Variants in URB2 observed in about 807,000 individuals in gnomAD.
URB2 encodes unhealthy ribosome biogenesis protein 2 homolog.
URB2 carries 86 observed loss-of-function variants against 120.9 expected under a neutral mutation model. The observed-to-expected ratio is 0.71, with a 90% CI of 0.60 to 0.85. URB2 has a LOEUF of 0.85. Among genes scored for constraint, URB2 ranks in the 40% least tolerant of loss-of-function variants. The probability of loss-of-function intolerance (pLI) is 0.00; values close to 1 mark genes in which losing one functional copy is unlikely to be tolerated. For synonymous variants in URB2, 755 were observed against 758.4 expected (o/e 1.00, Z 0.07); for missense variants, 1,765 against 1,836.5 (o/e 0.96, Z 0.71).
chr1:229,637,560 A>C lies in URB2; in HGVS notation c.2947A>C (p.Ser983Arg). 1.2e-6 allele frequency: 2 copies of C among 1,614,246 alleles called. No homozygotes were observed. Among genetic ancestry groups the C allele is most frequent in the South Asian group, 2.2e-5 (2 of 91,076 alleles). Reference protein sequence around the residue: ...VVLTSLFRASSRFLIEMDDPA... With the variant: ...VVLTSLFRASRRFLIEMDDPA... The stretch of plus-strand genomic sequence containing the variant: ...ACTGACCTCATTGTTCAGAGCTAGT[A>C]GTAGGTTCCTTATTGAGATGGATGA... The change falls in exon 4 of 10, where the codon AGT becomes CGT. Residue 983 changes from serine (S) to arginine (R), a missense_variant. Ser to Arg is a moderately radical substitution (Grantham distance 110). Transcript: ENST00000258243.
At chr1:229,650,878 G>C (rs1666251850) in intron 7 of URB2, 1 of 158,410 alleles carries the variant, frequency 6.3e-6, no homozygotes, top group African/African-American at 2.4e-5. Flanking sequence ...AATTAGTACT[G>C]TTCCTATTAT....
intron 2 of URB2, among the ~76,000 whole-genome samples, chr1:229,630,664 G>T (rs1665634608): frequency 6.6e-6 from 1 of 152,110 alleles, no homozygotes; most frequent in Non-Finnish European, 1.5e-5. Context: ...TTTGAAGCCA[G>T]GCATTGACTT....
Position 229,626,277 on chromosome 1 carries a change from AGCCGCCGCCGCT to A in URB2, c.-85_-74del, listed in dbSNP as rs1665468406. 6.6e-6 allele frequency: 1 copy of A among 152,486 alleles called. No homozygotes were observed. Among genetic ancestry groups the A allele is most frequent in the Non-Finnish European group, 1.5e-5 (1 of 68,702 alleles). 9.4% of individuals were successfully genotyped at this position (152,486 alleles called of 1,614,324 possible). A position where few individuals can be genotyped will look rare whatever the true frequency, so the allele number is the denominator to read the frequency against. On this transcript the variant is annotated 5_prime_UTR_variant, in exon 1 of 10. Coordinates refer to ENST00000258243, the MANE Select transcript of URB2 (RefSeq NM_014777.4). ...GCGGCCTCCGCCGCACCGGGACAGCAGCCGCCGCCGCTGCCGCCGTCCTCCCCTGTCTACCCG... is the reference window on the plus strand; with the variant it reads ...GCGGCCTCCGCCGCACCGGGACAGCAGCCGCCGTCCTCCCCTGTCTACCCG...
Position 229,647,592 on chromosome 1 carries a change from T to C in URB2, c.3989T>C (p.Leu1330Pro), listed in dbSNP as rs748090515. Residue 1330 changes from leucine to proline, a missense_variant, in exon 7 of 10, where the codon CTG (leucine) becomes CCG (proline). Physicochemically the swap from Leu to Pro is moderately conservative, Grantham distance 98. Transcript: ENST00000258243. ...GTCTTAGATGTCCTGGCTGCACTGC[T>C]GCGGCAGGGGGAGGAGGCCATCGGC... Reference protein sequence around the residue: ...GPVLDVLAALLRQGEEAIGNP... With the variant: ...GPVLDVLAALPRQGEEAIGNP... The C allele has an allele frequency of 3.7e-6, 6 of 1,614,240 alleles. No homozygotes were observed. In the Admixed American group the frequency reaches 8.3e-5, roughly 22 times the overall value.
chr1:229,647,452 T>G (rs1666171118), intron 6 of URB2, 58 bp from the exon 7 acceptor site: 1 of 1,574,140 alleles, frequency 6.4e-7, no homozygotes, highest in Non-Finnish European at 8.7e-7. Context: ...CTGCAGTGTT[T>G]GTGTTATTTC....
chr1:229,650,022 A>C (rs781594099), intron 7 of URB2, among the ~76,000 whole-genome samples: 44 of 152,332 alleles, frequency 2.9e-4, no homozygotes, highest in Non-Finnish European at 3.8e-4. Flanking sequence ...TGCAAAAACG[A>C]CTTCTTTCTG....
At position 229,634,955 on chromosome 1, in the gene URB2, A is replaced by T; in HGVS notation, c.342A>T (p.Gly114=). Reference sequence around the variant, plus strand: ...GAGTAGCTGAGTTCTCTCTTTCGGGATCCCAAAGAAACATCTGTGCTGTCC... The same window carrying T: ...GAGTAGCTGAGTTCTCTCTTTCGGGTTCCCAAAGAAACATCTGTGCTGTCC... ...NERVAEFSLS[G]SQRNICAVLR... The change falls in exon 4 of 10, where the codon GGA becomes GGT. Residue 114 remains glycine, a synonymous_variant. Transcript: ENST00000258243. The T allele has an allele frequency of 2.6e-6, 4 of 1,546,254 alleles. No individual in the cohort carries two copies. Among genetic ancestry groups the T allele is most frequent in the Non-Finnish European group, 2.6e-6 (3 of 1,146,604 alleles).
chr1:229,653,529 T>C (rs1037394374), intron 8 of URB2, among the ~76,000 whole-genome samples: 14 of 152,200 alleles, frequency 9.2e-5, no homozygotes, highest in African/African-American at 3.4e-4. Flanking sequence ...TTTATAAAAA[T>C]GTGCCTACCA....
At position 229,637,077 on chromosome 1, in the gene URB2, A is replaced by G. The variant is rs776893100; in HGVS notation, c.2464A>G (p.Ile822Val). ...GTGCGTAACCACAAGTTGCTCCAGC[A>G]TTCTGTGTTCTGGTGCCCAGCGTGA... The part of the protein sequence containing the change: ...LTCVTTSCSS[I>V]LCSGAQRDSG... The change falls in exon 4 of 10, where the codon ATT becomes GTT. Residue 822 changes from isoleucine to valine, a missense_variant. Coordinates refer to ENST00000258243, the MANE Select transcript of URB2 (RefSeq NM_014777.4). 6.2e-7 allele frequency: 1 copy of G among 1,613,980 alleles called. No individual in the cohort carries two copies. Among genetic ancestry groups the G allele is most frequent in the Admixed American group, 1.7e-5 (1 of 60,006 alleles).
chr1:229,657,240 C>A (rs965253407), intron 9 of URB2, among the ~76,000 whole-genome samples: 1 of 152,158 alleles, frequency 6.6e-6, no homozygotes, highest in East Asian at 1.9e-4. Flanking sequence ...GAAATTGACT[C>A]TTTTCTTGTT....
chr1:229,651,797 T>C (rs1344176295), intron 8 of URB2, among the ~76,000 whole-genome samples: 2 of 152,256 alleles, frequency 1.3e-5, no homozygotes, highest in Non-Finnish European at 1.5e-5. Context: ...AACTGCCATA[T>C]GGCAATAGCA....
At position 229,635,081 on chromosome 1, in the gene URB2, G is replaced by A. The variant is rs779255675; in HGVS notation, c.468G>A (p.Ser156=). 23 of 1,613,954 alleles carry A rather than the reference G, an allele frequency of 1.4e-5. No individual in the cohort carries two copies. In the East Asian group the frequency reaches 1.6e-4, roughly 11 times the overall value. Residue 156 remains serine, a synonymous_variant, in exon 4 of 10, where the codon TCG becomes TCA. Coordinates refer to ENST00000258243, the MANE Select transcript of URB2 (RefSeq NM_014777.4). ...CCTTGCTGAGCCAGCTTTGCTGGTC[G>A]GCCTGCAGGCAGCCCGAAGGAGCTG... ...MVALLSQLCW[S]ACRQPEGAVV...
In URB2 at chr1:229,636,799, T is replaced by C. The variant is rs1665845281; in HGVS notation, c.2186T>C (p.Met729Thr). The C allele has an allele frequency of 6.2e-7, 1 of 1,612,554 alleles. No individual in the cohort carries two copies. The highest frequency in any genetic ancestry group is 8.5e-7 in the Non-Finnish European group (1 of 1,178,860). ...GCTTCCTGGGATGGCCAAGTTGGGA[T>C]GGTGAGTGGACTCACATACCCTGTA... ...TTASWDGQVGMVSGLTYPVAH... is the reference protein window; with the variant it reads ...TTASWDGQVGTVSGLTYPVAH... The change falls in exon 4 of 10, where the codon ATG becomes ACG. Residue 729 changes from methionine to threonine, a missense_variant. Met to Thr is a moderately conservative substitution (Grantham distance 81, BLOSUM62 -1). Coordinates refer to ENST00000258243, the MANE Select transcript of URB2 (RefSeq NM_014777.4).
In URB2 at chr1:229,636,924, C is replaced by A. The variant is rs752767670; in HGVS notation, c.2311C>A (p.Pro771Thr). 4 of 1,613,032 alleles carry A rather than the reference C, an allele frequency of 2.5e-6. No individual in the cohort carries two copies. The highest frequency in any genetic ancestry group is 1.7e-5 in the Admixed American group (1 of 59,866). The change falls in exon 4 of 10, where the codon CCC becomes ACC. Residue 771 changes from proline to threonine, a missense_variant. Pro to Thr is a conservative substitution (Grantham distance 38, BLOSUM62 -1). Transcript: ENST00000258243. ...GGCCAGTGTCCTGCTGAGAACTTTA[C>A]CCATGGGCAAAGCCCAGGAAGTCTC... is the stretch of plus-strand genomic sequence containing the variant. ...YLASVLLRTL[P>T]MGKAQEVSID...
intron 8 of URB2, among the ~76,000 whole-genome samples, chr1:229,652,952 A>G (rs150106440): frequency 6.6e-6 from 1 of 152,358 alleles, no homozygotes; most frequent in East Asian, 1.9e-4. Flanking sequence ...TCATGGCTTA[A>G]CTGAGTAGAG....
At chr1:229,640,132 T>C (rs1280477179) in intron 4 of URB2, among the ~76,000 whole-genome samples, 2 of 152,258 alleles carry the variant, frequency 1.3e-5, no homozygotes, top group East Asian at 1.9e-4. Context: ...CATTGTATTA[T>C]TGCATTAACA....
At position 229,654,334 on chromosome 1, in the gene URB2, G is replaced by A; in HGVS notation, c.4323G>A (p.Glu1441=). The change falls in exon 9 of 10, where the codon GAG becomes GAA. Residue 1441 remains glutamate, a synonymous_variant. Transcript: ENST00000258243. Reference sequence around the variant, plus strand: ...GCCACATCGCCGCACGAGCTGAGGAGTTTGCTGTGTTTTCCCCATTTATGG... The same window carrying A: ...GCCACATCGCCGCACGAGCTGAGGAATTTGCTGTGTTTTCCCCATTTATGG... ...MYSHIAARAE[E]FAVFSPFMVA... is the part of the protein sequence containing the mutation. 2 of 1,614,194 alleles carry A rather than the reference G, an allele frequency of 1.2e-6. No homozygotes were observed. Among genetic ancestry groups the A allele is most frequent in the Admixed American group, 1.7e-5 (1 of 60,024 alleles).
Position 229,645,872 on chromosome 1 carries a change from C to G in URB2, c.3809C>G (p.Ala1270Gly). Residue 1270 changes from alanine (A) to glycine (G), a missense_variant, in exon 6 of 10, where the codon GCT (alanine) becomes GGT (glycine). Coordinates refer to ENST00000258243, the MANE Select transcript of URB2 (RefSeq NM_014777.4). ...CTCTTGCCCCAGGCTGTTGTGTCAG[C>G]TGTTACACTGCTGAGGCTGCTACTG... is the stretch of plus-strand genomic sequence containing the variant. ...WKADVQAVVSAVTLLRLLLNC... is the reference protein window; with the variant it reads ...WKADVQAVVSGVTLLRLLLNC... 1 of 1,614,164 alleles carries G rather than the reference C, an allele frequency of 6.2e-7. No individual in the cohort carries two copies. The highest frequency in any genetic ancestry group is 8.5e-7 in the Non-Finnish European group (1 of 1,180,022).
At chr1:229,639,289 C>T (rs1167946783) in intron 4 of URB2, among the ~76,000 whole-genome samples, 1 of 151,530 alleles carries the variant, frequency 6.6e-6, no homozygotes, top group African/African-American at 2.4e-5. Context: ...CAGTGAGATC[C>T]TGTCTCATAA....
Sources: gnomAD v4.1 joint callset for allele counts (sites outside exome capture counted in the v4.1 genomes callset) on GRCh38, gnomAD v4.1.1 for gene constraint, MANE v1.5 for transcripts, NCBI Gene and HGNC (gene_info 2026-07-23, HGNC 2026-07-21) for gene names.